DAAM1: variants seen among roughly 807,000 people sequenced by gnomAD.
DAAM1 encodes disheveled-associated activator of morphogenesis 1.
In DAAM1, 52 loss-of-function variants were observed where a neutral mutation model predicts 130.0. The ratio of observed to expected loss-of-function variants is 0.40; its 90% CI spans 0.32 to 0.50. The LOEUF (loss-of-function observed/expected upper bound fraction) is 0.50. Among genes scored for constraint, DAAM1 ranks in the 20% least tolerant of loss-of-function variants. The pLI, the probability that DAAM1 is intolerant of heterozygous loss-of-function variation, is 0.61. For missense variants in DAAM1, 1,134 were observed against 1,303.8 expected, an observed-to-expected ratio of 0.87 and a Z score of 2.01; for synonymous variants, 452 against 444.5, an observed-to-expected ratio of 1.02 and a Z score of -0.21.
chr14:59,331,385 G>A lies in DAAM1; in HGVS notation c.1737G>A (p.Gly579=), dbSNP rs138022563. The A allele has an allele frequency of 1.6e-4, 251 of 1,612,834 alleles. No individual in the cohort carries two copies. The highest frequency in any genetic ancestry group is 2.0e-4 in the Non-Finnish European group (240 of 1,179,856). The change falls in exon 14 of 25, where the codon GGG becomes GGA. Residue 579 remains glycine (G), a synonymous_variant. Coordinates refer to ENST00000360909, the MANE Select transcript of DAAM1 (RefSeq NM_001270520.2). Reference sequence around the variant, plus strand: ...CAGGTGGCCCTCCTCCTCCCCCAGGGCCTCCTCCCTTAGGGGCAATCATGC... The same window carrying A: ...CAGGTGGCCCTCCTCCTCCCCCAGGACCTCCTCCCTTAGGGGCAATCATGC... ...LPPGGPPPPP[G]PPPLGAIMPP...
intron 2 of DAAM1, among the ~76,000 whole-genome samples, chr14:59,268,589 G>A (rs189616132): frequency 1.4e-4 from 22 of 152,208 alleles, no homozygotes; most frequent in Admixed American, 9.2e-4. Flanking sequence ...AAAATAACTC[G>A]GGAATTGTGT....
intron 3 of DAAM1, among the ~76,000 whole-genome samples, chr14:59,306,491 A>G (rs550536722): frequency 2.9e-4 from 44 of 152,294 alleles, no homozygotes; most frequent in African/African-American, 1.0e-3. Flanking sequence ...GTTTAGCAGC[A>G]TAGTATTAAT....
intron 12 of DAAM1, among the ~76,000 whole-genome samples, chr14:59,329,301 GA>G (rs1862974881): frequency 6.6e-6 from 1 of 152,190 alleles, no homozygotes; most frequent in African/African-American, 2.4e-5. Flanking sequence ...AATTGTGAAA[GA>G]AGAATGAAAT....
intron 1 of DAAM1, among the ~76,000 whole-genome samples, chr14:59,213,329 T>C (rs897302737): frequency 6.8e-5 from 7 of 102,718 alleles, no homozygotes; most frequent in African/African-American, 2.7e-4. Flanking sequence ...TTCATTTGTA[T>C]AAATGATTTC....
intron 1 of DAAM1, among the ~76,000 whole-genome samples, chr14:59,261,071 G>A (rs73295976): frequency 0.046 from 6,966 of 152,232 alleles, 529 homozygotes; most frequent in African/African-American, 0.16. Context: ...ATGAGAGCCA[G>A]GGCTCTGCTC....
intron 23 of DAAM1, among the ~76,000 whole-genome samples, chr14:59,365,771 TAAAATCTGGA>T (rs558855334): frequency 6.6e-6 from 1 of 152,130 alleles, no homozygotes; most frequent in African/African-American, 2.4e-5. Context: ...GAAGAAAACT[TAAAATCTGGA>T]AAATGTTAAG....
chr14:59,360,992 AACC>A (rs958195378), intron 22 of DAAM1, 130 bp downstream of exon 22: 16 of 707,266 alleles, frequency 2.3e-5, no homozygotes, highest in African/African-American at 3.7e-5. Flanking sequence ...AAAAAATAAG[AACC>A]ACCACCACAA....
chr14:59,233,274 A>C (rs908845174), intron 1 of DAAM1, among the ~76,000 whole-genome samples: 8 of 152,080 alleles, frequency 5.3e-5, no homozygotes, highest in African/African-American at 1.9e-4. Flanking sequence ...AAGCGTTCCT[A>C]TTTCTCCTCA....
intron 1 of DAAM1, among the ~76,000 whole-genome samples, chr14:59,196,034 C>T (rs1887879502): frequency 6.6e-6 from 1 of 152,140 alleles, no homozygotes; most frequent in Admixed American, 6.5e-5. Context: ...GGCAAGACTG[C>T]CAGCAGCTTG....
chr14:59,311,017 T>G (rs1381520363), intron 3 of DAAM1, among the ~76,000 whole-genome samples: 1 of 152,192 alleles, frequency 6.6e-6, no homozygotes, highest in Admixed American at 6.5e-5. Flanking sequence ...TATTATTATT[T>G]GGGAAATGAT....
intron 1 of DAAM1, among the ~76,000 whole-genome samples, chr14:59,232,034 A>C (rs1323160587): frequency 6.6e-6 from 1 of 152,160 alleles, no homozygotes; most frequent in African/African-American, 2.4e-5. Flanking sequence ...TTTTATCCCC[A>C]CTTTACAGAG....
chr14:59,325,146 A>T (rs1220325802), intron 8 of DAAM1, among the ~76,000 whole-genome samples: 1 of 152,130 alleles, frequency 6.6e-6, no homozygotes, highest in Non-Finnish European at 1.5e-5. Context: ...ACCTGTTCTA[A>T]CCACTGTGTG....
chr14:59,202,838 G>A (rs1888148958), intron 1 of DAAM1, among the ~76,000 whole-genome samples: 1 of 152,056 alleles, frequency 6.6e-6, no homozygotes. Flanking sequence ...TAAGATATTT[G>A]TTATGTCTAT....
rs367550405 is a variant in DAAM1 at position 59,259,024 on chromosome 14, A to G, written c.-37-4417A>G. Among the ~76,000 whole-genome samples, 10 of 152,308 alleles carry G rather than the reference A, an allele frequency of 6.6e-5. No individual in the cohort carries two copies. The East Asian group carries it at 1.3e-3, about 21-fold the overall frequency. On this transcript the variant is annotated intron_variant, in intron 1 of 24. Transcript: ENST00000360909. ...TGGGATTTTCTTTTTAAGACTTGAA[A>G]AATGCTCTGGACTGATTTTTAGATC... is the stretch of plus-strand genomic sequence containing the variant.
intron 22 of DAAM1, chr14:59,362,968 G>A (rs1269603840): frequency 1.3e-5 from 2 of 152,186 alleles, no homozygotes; most frequent in African/African-American, 4.8e-5. Context: ...TCACTCATAG[G>A]GATGTTGTGA....
At chr14:59,205,841 AC>A (rs1353429454) in intron 1 of DAAM1, among the ~76,000 whole-genome samples, 1 of 152,210 alleles carries the variant, frequency 6.6e-6, no homozygotes, top group Non-Finnish European at 1.5e-5. Context: ...AAATAAGAAT[AC>A]AGTAGGTTAG....
intron 20 of DAAM1, among the ~76,000 whole-genome samples, chr14:59,358,809 C>A (rs1177478504): frequency 6.7e-6 from 1 of 149,448 alleles, no homozygotes; most frequent in Non-Finnish European, 1.5e-5. Flanking sequence ...CACCACTGCA[C>A]TCCAGCCTGG....
chr14:59,319,780 A>G (rs1884934805), intron 4 of DAAM1, among the ~76,000 whole-genome samples: 1 of 152,186 alleles, frequency 6.6e-6, no homozygotes, highest in Non-Finnish European at 1.5e-5. Context: ...AGCATTGCCT[A>G]GAAATTTGTC....
At chr14:59,227,256 C>T (rs1256981569) in intron 1 of DAAM1, among the ~76,000 whole-genome samples, 1 of 152,138 alleles carries the variant, frequency 6.6e-6, no homozygotes, top group Non-Finnish European at 1.5e-5. Flanking sequence ...ATGGTGTGAA[C>T]AAGGATGGTG....
Sources: gnomAD v4.1 joint callset for allele counts (sites outside exome capture counted in the v4.1 genomes callset) on GRCh38, gnomAD v4.1.1 for gene constraint, MANE v1.5 for transcripts, NCBI Gene and HGNC (gene_info 2026-07-23, HGNC 2026-07-21) for gene names.